MSL2: variants seen among roughly 807,000 people sequenced by gnomAD.
MSL2 encodes E3 ubiquitin-protein ligase MSL2.
In MSL2, 2 loss-of-function variants were observed where a neutral mutation model predicts 35.8. The observed-to-expected ratio is 0.06, with a 90% CI of 0.02 to 0.18. The LOEUF is 0.18. MSL2 is among the 10% of genes least tolerant of loss of function. The pLI is 1.00. For synonymous variants in MSL2, 296 were observed against 255.7 expected, an observed-to-expected ratio of 1.16 and a Z score of -1.50; for missense variants, 523 against 706.7, an observed-to-expected ratio of 0.74 and a Z score of 2.95.
At chr3:136,188,895 T>A (rs1474821419) in intron 1 of MSL2, among the ~76,000 whole-genome samples, 1 of 151,716 alleles carries the variant, frequency 6.6e-6, no homozygotes, top group Non-Finnish European at 1.5e-5. Context: ...TTTCAACTTA[T>A]CATAAGATGA....
chr3:136,156,521 C>T (rs1313939338), intron 1 of MSL2, among the ~76,000 whole-genome samples: 1 of 152,114 alleles, frequency 6.6e-6, no homozygotes, highest in Non-Finnish European at 1.5e-5. Flanking sequence ...AGAATGAAGT[C>T]TCCTTAGAAA....
At chr3:136,159,577 A>G (rs1939642369) in intron 1 of MSL2, among the ~76,000 whole-genome samples, 1 of 148,336 alleles carries the variant, frequency 6.7e-6, no homozygotes, top group Non-Finnish European at 1.5e-5. Flanking sequence ...TCACCGTGTT[A>G]GCCAGGATGG....
chr3:136,181,309 A>G (rs528039924), intron 1 of MSL2, among the ~76,000 whole-genome samples: 1 of 152,296 alleles, frequency 6.6e-6, no homozygotes, highest in East Asian at 1.9e-4. Flanking sequence ...AACAATGAGT[A>G]AGAGTTAATA....
chr3:136,187,127 T>C (rs188667986), intron 1 of MSL2, among the ~76,000 whole-genome samples: 2 of 152,230 alleles, frequency 1.3e-5, no homozygotes, highest in Non-Finnish European at 2.9e-5. Context: ...GTACATGTTA[T>C]GTGAAAGCAC....
chr3:136,189,129 A>AAAAAAAAAAAAAAAAAAAAAAC (rs1415244597), intron 1 of MSL2, among the ~76,000 whole-genome samples: 1 of 138,056 alleles, frequency 7.2e-6, no homozygotes, highest in African/African-American at 2.8e-5. Flanking sequence ...AAAAAAAAAA[A>AAAAAAAAAAAAAAAAAAAAAAC]AAAAAAACAC....
In MSL2 at chr3:136,181,970, C is replaced by A. The variant is rs983584320; in HGVS notation, c.142+13002G>T. 6.0e-5 allele frequency among the ~76,000 whole-genome samples: 9 copies of A among 151,036 alleles called. No individual in the cohort carries two copies. In the East Asian group the frequency reaches 7.7e-4, roughly 13 times the overall value. ...TAAATAAATAAATAATCAAAACTTA[C>A]GTGGGCTGAAGAAAAAAAAATTTTT... On this transcript the variant is annotated intron_variant, in intron 1 of 1. Transcript: ENST00000309993.
chr3:136,151,221 T>C lies in MSL2; in HGVS notation c.1660A>G (p.Thr554Ala). 6.2e-7 allele frequency: 1 copy of C among 1,614,214 alleles called. No individual in the cohort carries two copies. Among genetic ancestry groups the C allele is most frequent in the Non-Finnish European group, 8.5e-7 (1 of 1,180,036 alleles). ...SVINVTGSPVTTFLAASTHDD... is the reference protein window; with the variant it reads ...SVINVTGSPVATFLAASTHDD... ...TGTGTACTGGCAGCTAAAAACGTCG[T>C]TACTGGGGACCCTGTGACATTTATT... Residue 554 changes from threonine (T) to alanine (A), a missense_variant, in exon 2 of 2, where the codon ACG becomes GCG. Physicochemically the swap from Thr to Ala is moderately conservative, Grantham distance 58. This residue lies in a region of MSL2 where 60 missense variants were observed against 75.1 expected (regional missense o/e 0.80). Coordinates refer to ENST00000309993, the MANE Select transcript of MSL2 (RefSeq NM_018133.4). This position sits in a 1 kb window ranked among gnomAD's most constrained non-coding sequence, Gnocchi z 5.2.
intron 1 of MSL2, among the ~76,000 whole-genome samples, chr3:136,170,492 GA>G (rs574841379): frequency 7.2e-6 from 1 of 138,060 alleles, no homozygotes; most frequent in African/African-American, 2.7e-5. Flanking sequence ...TGACCAAAAG[GA>G]AAAAAAACTC....
intron 1 of MSL2, among the ~76,000 whole-genome samples, chr3:136,186,671 C>T (rs1010092627): frequency 2.0e-5 from 3 of 152,238 alleles, no homozygotes; most frequent in African/African-American, 7.2e-5. Context: ...TGTCTCCCAT[C>T]ACCCCCAGAT....
At chr3:136,188,034 A>T (rs1336511932) in intron 1 of MSL2, among the ~76,000 whole-genome samples, 1 of 152,192 alleles carries the variant, frequency 6.6e-6, no homozygotes, top group Non-Finnish European at 1.5e-5. Context: ...GCCCCTGAAT[A>T]ACCACTATAG....
chr3:136,155,108 C>T (rs1017468829), intron 1 of MSL2, among the ~76,000 whole-genome samples: 8 of 151,808 alleles, frequency 5.3e-5, no homozygotes, highest in African/African-American at 1.7e-4. Context: ...CTCGGGGGAG[C>T]TGAGGCAGGA....
At chr3:136,176,428 T>C (rs773570061) in intron 1 of MSL2, among the ~76,000 whole-genome samples, 17 of 142,594 alleles carry the variant, frequency 1.2e-4, no homozygotes, top group Non-Finnish European at 2.4e-4. Flanking sequence ...GGTGGAACAA[T>C]CACCTAAGCC....
chr3:136,150,949 G>T lies in MSL2; in HGVS notation c.*198C>A. ...AACTATGAGGTTCTGTAAGAACTAA[G>T]GACATATAGTTGTAGGGTTACTCCT... On this transcript the variant is annotated 3_prime_UTR_variant, in exon 2 of 2. Coordinates refer to ENST00000309993, the MANE Select transcript of MSL2 (RefSeq NM_018133.4). The T allele has an allele frequency of 1.7e-6, 1 of 579,550 alleles. No homozygotes were observed. The highest frequency in any genetic ancestry group is 2.4e-5 in the South Asian group (1 of 41,220). The allele number at this position is 579,550 out of a possible 1,614,324, so 35.9% of individuals were successfully genotyped here. A position where few individuals can be genotyped will look rare whatever the true frequency, so the allele number is the denominator to read the frequency against.
intron 1 of MSL2, among the ~76,000 whole-genome samples, chr3:136,172,691 C>T (rs1394466652): frequency 6.6e-6 from 1 of 152,090 alleles, no homozygotes; most frequent in Non-Finnish European, 1.5e-5. Flanking sequence ...TACTCCCTTT[C>T]AGTAATCCTT....
chr3:136,193,367 G>C (rs746009810), intron 1 of MSL2, among the ~76,000 whole-genome samples: 13 of 151,890 alleles, frequency 8.6e-5, no homozygotes, highest in African/African-American at 3.1e-4. Flanking sequence ...TAGTAAACAG[G>C]GGACCTACCA....
intron 1 of MSL2, among the ~76,000 whole-genome samples, chr3:136,191,128 A>C (rs1940676429): frequency 6.6e-6 from 1 of 152,152 alleles, no homozygotes; most frequent in Non-Finnish European, 1.5e-5. Context: ...TTAAGTACCT[A>C]ATATGTGCCA....
At chr3:136,185,912 A>G (rs1940508159) in intron 1 of MSL2, among the ~76,000 whole-genome samples, 2 of 152,182 alleles carry the variant, frequency 1.3e-5, no homozygotes, top group South Asian at 2.1e-4. Context: ...AAATCAATGG[A>G]GACAATTACA....
intron 1 of MSL2, among the ~76,000 whole-genome samples, chr3:136,188,160 C>A (rs1430941477): frequency 6.6e-6 from 1 of 152,124 alleles, no homozygotes; most frequent in African/African-American, 2.4e-5. Flanking sequence ...CTAGGCCAGG[C>A]GCAGTGGCTC....
intron 1 of MSL2, among the ~76,000 whole-genome samples, chr3:136,184,750 A>AGGGGGGGG (rs5852838): frequency 8.0e-5 from 6 of 74,634 alleles, no homozygotes; most frequent in African/African-American, 1.9e-4. Context: ...AAAAAAAAAA[A>AGGGGGGGG]GGGGGGGGGG....
Sources: gnomAD v4.1 joint callset for allele counts (sites outside exome capture counted in the v4.1 genomes callset) on GRCh38, gnomAD v4.1.1 for gene constraint, gnomAD v4.1.1 regional missense constraint, Gnocchi (gnomAD v3.1) non-coding constraint, MANE v1.5 for transcripts, NCBI Gene and HGNC (gene_info 2026-07-23, HGNC 2026-07-21) for gene names.